Variants in C1orf74 observed in about 807,000 individuals in gnomAD.
C1orf74 encodes the protein chromosome 1 open reading frame 74.
Under a neutral mutation model 7.3 loss-of-function variants are expected in C1orf74, and 5 were observed. That is an observed-to-expected ratio of 0.68 (90% confidence interval 0.36 to 1.44). C1orf74 has a LOEUF of 1.44. Ranked by LOEUF, C1orf74 falls within the 40% of genes most tolerant of loss-of-function variation. The pLI is 0.04. For missense variants in C1orf74, 291 were observed against 314.3 expected (o/e 0.93, Z 0.56); for synonymous variants, 121 against 132.5 (o/e 0.91, Z 0.59).
rs1333260194 is a variant in C1orf74, at chr1:209,781,273, G to C, written c.*1552C>G. On this transcript the variant is annotated 3_prime_UTR_variant, in exon 2 of 2. Coordinates refer to ENST00000294811, the MANE Select transcript of C1orf74 (RefSeq NM_152485.4). ...ATTCCAAATGAGTGAAACTTACAAA[G>C]GGCAGTCTCCCCTGCCTGGGCTCTG... 2.0e-6 allele frequency: 2 copies of C among 979,234 alleles called. No individual in the cohort carries two copies. Among genetic ancestry groups the C allele is most frequent in the East Asian group, 5.0e-5 (2 of 40,048 alleles). The allele number at this position is 979,234 out of a possible 1,614,324, so 60.7% of individuals were successfully genotyped here. A position where few individuals can be genotyped will look rare whatever the true frequency, so the allele number is the denominator to read the frequency against.
Position 209,783,110 on chromosome 1 carries a change from G to A in C1orf74, c.525C>T (p.Ile175=). Residue 175 remains isoleucine, a synonymous_variant, in exon 2 of 2, where the codon ATC becomes ATT. Transcript: ENST00000294811. The stretch of plus-strand genomic sequence containing the variant: ...TATAGGGAACAGGATAGCCCAGGAG[G>A]ATCCCAAATACAGTACACAGATTCC... ...SDWNLCTVFG[I]LLGYPVPYTF... is the part of the protein sequence containing the mutation. 6.2e-7 allele frequency: 1 copy of A among 1,614,150 alleles called. No individual in the cohort carries two copies. The highest frequency in any genetic ancestry group is 1.1e-5 in the South Asian group (1 of 91,074).
chr1:209,783,009 C>T lies in C1orf74; in HGVS notation c.626G>A (p.Trp209Ter). Residue 209 changes from tryptophan (W) to a stop codon, truncating the protein, a stop_gained, in exon 2 of 2, where the codon TGG (tryptophan) becomes TAG (stop). Coordinates refer to ENST00000294811, the MANE Select transcript of C1orf74 (RefSeq NM_152485.4). LOFTEE classifies it high-confidence loss of function. ...CAGGATTGGGGGTTGACCTAGCAAC[C>T]ATGAGATCCGGGCAGTGAATACTCG... Reference protein sequence around the residue: ...PLRVFTARISWLLGQPPILLY... With the variant: ...PLRVFTARIS 6.2e-7 allele frequency: 1 copy of T among 1,614,144 alleles called. No individual in the cohort carries two copies. The highest frequency in any genetic ancestry group is 8.5e-7 in the Non-Finnish European group (1 of 1,180,026).
chr1:209,780,611 GA>G lies in C1orf74; in HGVS notation c.*2213del. 6.3e-7 allele frequency: 1 copy of G among 1,580,116 alleles called. No homozygotes were observed. Among genetic ancestry groups the G allele is most frequent in the East Asian group, 2.3e-5 (1 of 43,462 alleles). On this transcript the variant is annotated 3_prime_UTR_variant, in exon 2 of 2. Transcript: ENST00000294811. ...CTCCAGGCCAAGGAAAAGGAGGTGA[GA>G]GGGTGACCTGAGATAGTGAGGGCTC...
At position 209,779,248 on chromosome 1, in the gene C1orf74, G is replaced by A. The variant is rs78901199; in HGVS notation, c.*3577C>T. 321 of 1,381,244 alleles carry A rather than the reference G, an allele frequency of 2.3e-4. 3 individuals are homozygous for A. The East Asian group carries it at 7.1e-3, about 31-fold the overall frequency. 85.6% of individuals were successfully genotyped at this position (1,381,244 alleles called of 1,614,324 possible). ...TTTAATAACCAAGGTTCTAAGCAAAGTTCTGAAAAGAAAACTTTTTGTAGT... is the reference window on the plus strand; with the variant it reads ...TTTAATAACCAAGGTTCTAAGCAAAATTCTGAAAAGAAAACTTTTTGTAGT... On this transcript the variant is annotated 3_prime_UTR_variant, in exon 2 of 2. Transcript: ENST00000294811.
Position 209,779,434 on chromosome 1 carries a change from C to G in C1orf74, c.*3391G>C. The G allele has an allele frequency of 2.7e-6, 4 of 1,473,020 alleles. No individual in the cohort carries two copies. Among genetic ancestry groups the G allele is most frequent in the Non-Finnish European group, 3.8e-6 (4 of 1,052,576 alleles). The allele number at this position is 1,473,020 out of a possible 1,614,324, so 91.2% of individuals were successfully genotyped here. ...TGCTCTTCTCTTACCTGCCTAGAGG[C>G]AGCGGGATGGACTACATGACCTCCT... On this transcript the variant is annotated 3_prime_UTR_variant, in exon 2 of 2. Transcript: ENST00000294811.
At position 209,781,443 on chromosome 1, in the gene C1orf74, G is replaced by A. The variant is rs2077778147; in HGVS notation, c.*1382C>T. On this transcript the variant is annotated 3_prime_UTR_variant, in exon 2 of 2. Transcript: ENST00000294811. ...GTCGAGAAGAGCTGAACCAGAGCCA[G>A]CAGCTGCCTCCCAGAGTAAGAGGGT... is the stretch of plus-strand genomic sequence containing the variant. 3 of 1,612,800 alleles carry A rather than the reference G, an allele frequency of 1.9e-6. No individual in the cohort carries two copies. The highest frequency in any genetic ancestry group is 1.7e-5 in the Admixed American group (1 of 59,940).
chr1:209,781,287 G>C lies in C1orf74; in HGVS notation c.*1538C>G. ...AAACTTACAAAGGGCAGTCTCCCCT[G>C]CCTGGGCTCTGTCCTAGACAGAAGT... is the stretch of plus-strand genomic sequence containing the variant. On this transcript the variant is annotated 3_prime_UTR_variant, in exon 2 of 2. Coordinates refer to ENST00000294811, the MANE Select transcript of C1orf74 (RefSeq NM_152485.4). 1 of 1,233,668 alleles carries C rather than the reference G, an allele frequency of 8.1e-7. No individual in the cohort carries two copies. Among genetic ancestry groups the C allele is most frequent in the Middle Eastern group, 1.9e-4 (1 of 5,270 alleles). 76.4% of individuals were successfully genotyped at this position (1,233,668 alleles called of 1,614,324 possible). A position where few individuals can be genotyped will look rare whatever the true frequency, so the allele number is the denominator to read the frequency against.
Position 209,783,107 on chromosome 1 carries a change from G to A in C1orf74, c.528C>T (p.Leu176=). 1 of 1,614,158 alleles carries A rather than the reference G, an allele frequency of 6.2e-7. No homozygotes were observed. The highest frequency in any genetic ancestry group is 8.5e-7 in the Non-Finnish European group (1 of 1,180,022). The part of the protein sequence containing the change: ...DWNLCTVFGI[L]LGYPVPYTFH... Reference sequence around the variant, plus strand: ...AGGTATAGGGAACAGGATAGCCCAGGAGGATCCCAAATACAGTACACAGAT... The same window carrying A: ...AGGTATAGGGAACAGGATAGCCCAGAAGGATCCCAAATACAGTACACAGAT... The change falls in exon 2 of 2, where the codon CTC becomes CTT. Residue 176 remains leucine, a synonymous_variant. Transcript: ENST00000294811.
In C1orf74 at chr1:209,782,522, T is replaced by A; in HGVS notation, c.*303A>T. 1 of 484,378 alleles carries A rather than the reference T, an allele frequency of 2.1e-6. No homozygotes were observed. Among genetic ancestry groups the A allele is most frequent in the Non-Finnish European group, 3.7e-6 (1 of 268,778 alleles). The allele number at this position is 484,378 out of a possible 1,614,324, so 30.0% of individuals were successfully genotyped here. A position where few individuals can be genotyped will look rare whatever the true frequency, so the allele number is the denominator to read the frequency against. On this transcript the variant is annotated 3_prime_UTR_variant, in exon 2 of 2. Coordinates refer to ENST00000294811, the MANE Select transcript of C1orf74 (RefSeq NM_152485.4). Reference sequence around the variant, plus strand: ...CCATGCAAGAGTGTTTGGCTTGTCTTCCATCACCCTGCTTTTCCTCTATCA... The same window carrying A: ...CCATGCAAGAGTGTTTGGCTTGTCTACCATCACCCTGCTTTTCCTCTATCA...
chr1:209,781,490 G>A lies in C1orf74; in HGVS notation c.*1335C>T, dbSNP rs753430995. On this transcript the variant is annotated 3_prime_UTR_variant, in exon 2 of 2. Transcript: ENST00000294811. ...GGGTCTCTCCTTCCCATAAAGCCCT[G>A]GATGATGGGACGATTCCTTCTTTAA... The A allele has an allele frequency of 2.6e-6, 4 of 1,511,912 alleles. No homozygotes were observed. The African/African-American group carries it at 5.5e-5, about 21-fold the overall frequency. The allele number at this position is 1,511,912 out of a possible 1,614,324, so 93.7% of individuals were successfully genotyped here.
Position 209,779,707 on chromosome 1 carries a change from C to G in C1orf74, c.*3118G>C. The G allele has an allele frequency of 1.7e-6, 1 of 591,366 alleles. No homozygotes were observed. The highest frequency in any genetic ancestry group is 3.0e-6 in the Non-Finnish European group (1 of 333,962). The allele number at this position is 591,366 out of a possible 1,614,324, so 36.6% of individuals were successfully genotyped here. A position where few individuals can be genotyped will look rare whatever the true frequency, so the allele number is the denominator to read the frequency against. The stretch of plus-strand genomic sequence containing the variant: ...GATTTTCCAAATCACATCCAACTCC[C>G]CAGCCCCAAACCACATAGCAGTCCA... On this transcript the variant is annotated 3_prime_UTR_variant, in exon 2 of 2. Coordinates refer to ENST00000294811, the MANE Select transcript of C1orf74 (RefSeq NM_152485.4).
In C1orf74 at chr1:209,779,406, T is replaced by C. The variant is rs1170535167; in HGVS notation, c.*3419A>G. On this transcript the variant is annotated 3_prime_UTR_variant, in exon 2 of 2. Coordinates refer to ENST00000294811, the MANE Select transcript of C1orf74 (RefSeq NM_152485.4). ...AAATTTATTACCACAAATTCTAAGA[T>C]ATTGCTCTTCTCTTACCTGCCTAGA... 1.9e-6 allele frequency: 3 copies of C among 1,591,170 alleles called. No individual in the cohort carries two copies. In the South Asian group the frequency reaches 3.3e-5, roughly 18 times the overall value.
chr1:209,784,035 T>G (rs1181660514), intron 1 of C1orf74, among the ~76,000 whole-genome samples: 1 of 152,130 alleles, frequency 6.6e-6, no homozygotes, highest in Non-Finnish European at 1.5e-5. Context: ...TTCACAGCAT[T>G]TCGCCCAAAA....
chr1:209,780,895 TTGAG>T lies in C1orf74; in HGVS notation c.*1926_*1929del. ...TAACTTCTCAATATGTCGTCCCACA[TTGAG>T]TATCTTAAGTCTTTATATGTCTCTT... On this transcript the variant is annotated 3_prime_UTR_variant, in exon 2 of 2. Transcript: ENST00000294811. The T allele has an allele frequency of 4.8e-6, 1 of 208,138 alleles. No individual in the cohort carries two copies. Among genetic ancestry groups the T allele is most frequent in the Non-Finnish European group, 9.7e-6 (1 of 103,460 alleles). 12.9% of individuals were successfully genotyped at this position (208,138 alleles called of 1,614,324 possible). A position where few individuals can be genotyped will look rare whatever the true frequency, so the allele number is the denominator to read the frequency against.
chr1:209,781,030 T>C lies in C1orf74; in HGVS notation c.*1795A>G. 4.4e-6 allele frequency: 1 copy of C among 228,822 alleles called. No individual in the cohort carries two copies. Among genetic ancestry groups the C allele is most frequent in the Non-Finnish European group, 8.8e-6 (1 of 113,890 alleles). The allele number at this position is 228,822 out of a possible 1,614,324, so 14.2% of individuals were successfully genotyped here. Reference sequence around the variant, plus strand: ...AAGAAACTTGTACTAAGGTCACTTCTAGGTCGTTTGTTCTATAAGAACTTC... The same window carrying C: ...AAGAAACTTGTACTAAGGTCACTTCCAGGTCGTTTGTTCTATAAGAACTTC... On this transcript the variant is annotated 3_prime_UTR_variant, in exon 2 of 2. Coordinates refer to ENST00000294811, the MANE Select transcript of C1orf74 (RefSeq NM_152485.4).
At position 209,783,480 on chromosome 1, in the gene C1orf74, G is replaced by C; in HGVS notation, c.155C>G (p.Pro52Arg). The change falls in exon 2 of 2, where the codon CCA (proline) becomes CGA (arginine). Residue 52 changes from proline to arginine, a missense_variant. Transcript: ENST00000294811. ...ACAGTTGCAATCATAGAGCACAGCT[G>C]GCTTCAGTCCCCGGGCCACAGCCAG... ...EVLAVARGLK[P>R]AVLYDCNCAG... is the part of the protein sequence containing the mutation. The C allele has an allele frequency of 6.2e-7, 1 of 1,613,984 alleles. No homozygotes were observed.
chr1:209,780,679 C>A lies in C1orf74; in HGVS notation c.*2146G>T. 2.2e-6 allele frequency: 3 copies of A among 1,375,660 alleles called. No homozygotes were observed. The highest frequency in any genetic ancestry group is 2.9e-6 in the Non-Finnish European group (3 of 1,041,774). 85.2% of individuals were successfully genotyped at this position (1,375,660 alleles called of 1,614,324 possible). The stretch of plus-strand genomic sequence containing the variant: ...AGAAACCTGGGAGGCAGTCAAAAAG[C>A]AGGGATTTCAAAGTTTAAGTTGTGA... On this transcript the variant is annotated 3_prime_UTR_variant, in exon 2 of 2. Coordinates refer to ENST00000294811, the MANE Select transcript of C1orf74 (RefSeq NM_152485.4).
chr1:209,783,219 A>T lies in C1orf74; in HGVS notation c.416T>A (p.Val139Glu). 1 of 1,614,198 alleles carries T rather than the reference A, an allele frequency of 6.2e-7. No individual in the cohort carries two copies. Among genetic ancestry groups the T allele is most frequent in the Non-Finnish European group, 8.5e-7 (1 of 1,180,038 alleles). Residue 139 changes from valine to glutamate, a missense_variant, in exon 2 of 2, where the codon GTG becomes GAG. By Grantham distance (121) the Val-to-Glu change is moderately radical. Transcript: ENST00000294811. ...CTGCAAATGTGTGATGATCTCAGCCACGAGGGCCTTCAAGTCCTGAAGCTG... is the reference window on the plus strand; with the variant it reads ...CTGCAAATGTGTGATGATCTCAGCCTCGAGGGCCTTCAAGTCCTGAAGCTG... ...LDQLQDLKALVAEIITHLQGL... is the reference protein window; with the variant it reads ...LDQLQDLKALEAEIITHLQGL...
Position 209,782,376 on chromosome 1 carries a change from A to C in C1orf74, c.*449T>G. On this transcript the variant is annotated 3_prime_UTR_variant, in exon 2 of 2. Coordinates refer to ENST00000294811, the MANE Select transcript of C1orf74 (RefSeq NM_152485.4). Reference sequence around the variant, plus strand: ...TACATTAACAAGTATCACATATTTAAGCATACTGGTGGTCTACTCTCCTCA... The same window carrying C: ...TACATTAACAAGTATCACATATTTACGCATACTGGTGGTCTACTCTCCTCA... The C allele has an allele frequency of 3.7e-6, 2 of 534,368 alleles. No individual in the cohort carries two copies. Among genetic ancestry groups the C allele is most frequent in the Non-Finnish European group, 3.4e-6 (1 of 297,018 alleles). 33.1% of individuals were successfully genotyped at this position (534,368 alleles called of 1,614,324 possible).
Sources: gnomAD v4.1 joint callset for allele counts (sites outside exome capture counted in the v4.1 genomes callset) on GRCh38, gnomAD v4.1.1 for gene constraint, MANE v1.5 for transcripts, NCBI Gene and HGNC (gene_info 2026-07-23, HGNC 2026-07-21) for gene names.